GPR158: variants seen among roughly 807,000 people sequenced by gnomAD.
GPR158 encodes the protein metabotropic glycine receptor.
In GPR158, 30 loss-of-function variants were observed where a neutral mutation model predicts 78.2. That is an observed-to-expected ratio of 0.38 (90% CI 0.29 to 0.52). The LOEUF (loss-of-function observed/expected upper bound fraction) is 0.52. Among genes scored for constraint, GPR158 ranks in the 20% least tolerant of loss-of-function variants. The probability of loss-of-function intolerance (pLI) is 0.83; values close to 1 mark genes in which losing one functional copy is unlikely to be tolerated. For synonymous variants in GPR158, 581 were observed against 591.1 expected (o/e 0.98, Z 0.25); for missense variants, 1,463 against 1,523.5 (o/e 0.96, Z 0.66).
At chr10:25,283,810 A>G (rs1854309811) in intron 2 of GPR158, among the ~76,000 whole-genome samples, 1 of 151,900 alleles carries the variant, frequency 6.6e-6, no homozygotes, top group Non-Finnish European at 1.5e-5. Context: ...TTGTATTTTT[A>G]TTTTAATTTA....
chr10:25,188,445 A>G (rs1852720427), intron 1 of GPR158, among the ~76,000 whole-genome samples: 1 of 152,206 alleles, frequency 6.6e-6, no homozygotes, highest in South Asian at 2.1e-4. Context: ...ATATAGACCA[A>G]TGGAACAGAA....
intron 2 of GPR158, among the ~76,000 whole-genome samples, chr10:25,320,008 C>T (rs1854923444): frequency 6.6e-6 from 1 of 152,142 alleles, no homozygotes; most frequent in African/African-American, 2.4e-5. Context: ...TATCTCTCCT[C>T]GACATCCAAC....
intron 4 of GPR158, among the ~76,000 whole-genome samples, chr10:25,419,387 C>T (rs1476526814): frequency 2.6e-5 from 4 of 152,026 alleles, no homozygotes; most frequent in Non-Finnish European, 4.4e-5. Context: ...TTTGTTTTTC[C>T]GTTCATCTGT....
chr10:25,528,407 T>C (rs1178204325), intron 5 of GPR158, among the ~76,000 whole-genome samples: 1 of 151,912 alleles, frequency 6.6e-6, no homozygotes, highest in Admixed American at 6.6e-5. Context: ...TACAACATAA[T>C]TGGGTACATT....
At chr10:25,372,230 A>T (rs1834005769) in intron 2 of GPR158, among the ~76,000 whole-genome samples, 1 of 151,992 alleles carries the variant, frequency 6.6e-6, no homozygotes, top group African/African-American at 2.4e-5. Context: ...GAGGATGTGG[A>T]GAAATAGGAA....
intron 4 of GPR158, among the ~76,000 whole-genome samples, chr10:25,460,981 A>C (rs1270981446): frequency 6.6e-6 from 1 of 152,170 alleles, no homozygotes; most frequent in Non-Finnish European, 1.5e-5. Flanking sequence ...AATGCCATGA[A>C]CCGCACCCAC....
At chr10:25,369,093 T>A (rs917249422) in intron 2 of GPR158, among the ~76,000 whole-genome samples, 6 of 151,684 alleles carry the variant, frequency 4.0e-5, no homozygotes, top group Admixed American at 1.3e-4. Flanking sequence ...TTTCTAGATA[T>A]ACAATCATGT....
chr10:25,500,912 G>C (rs1465304665), intron 5 of GPR158, among the ~76,000 whole-genome samples: 1 of 152,238 alleles, frequency 6.6e-6, no homozygotes, highest in Non-Finnish European at 1.5e-5. Context: ...TCTCTGAAAA[G>C]TTTGCTTGGA....
intron 2 of GPR158, among the ~76,000 whole-genome samples, chr10:25,325,955 C>G (rs1008372023): frequency 7.2e-6 from 1 of 138,924 alleles, no homozygotes; most frequent in African/African-American, 2.8e-5. Context: ...ATTTTCTTTT[C>G]TTCAACTTTT....
intron 2 of GPR158, among the ~76,000 whole-genome samples, chr10:25,327,171 A>G (rs937531841): frequency 6.6e-6 from 1 of 152,114 alleles, no homozygotes; most frequent in South Asian, 2.1e-4. Flanking sequence ...GCACACACAC[A>G]CGCGCAAGAA....
intron 1 of GPR158, among the ~76,000 whole-genome samples, chr10:25,185,684 G>A (rs1191296900): frequency 2.6e-5 from 4 of 152,230 alleles, no homozygotes; most frequent in Non-Finnish European, 4.4e-5. Flanking sequence ...TTAGCCAGGC[G>A]TGGTGGCAGG....
chr10:25,335,351 T>C (rs2130497669), intron 2 of GPR158, among the ~76,000 whole-genome samples: 1 of 152,216 alleles, frequency 6.6e-6, no homozygotes, highest in Non-Finnish European at 1.5e-5. Context: ...TCTAGGCTTA[T>C]GAAGTGATGC....
intron 7 of GPR158, among the ~76,000 whole-genome samples, chr10:25,580,546 T>C (rs1249748941): frequency 3.4e-5 from 5 of 148,076 alleles, no homozygotes; most frequent in Admixed American, 6.6e-5. Context: ...TAGGCTTTAT[T>C]ATGACAGGTG....
rs550603836 is a variant in GPR158 at position 25,597,864 on chromosome 10, G to C, written c.2238G>C (p.Ser746=). The C allele has an allele frequency of 1.3e-6, 2 of 1,555,096 alleles. No individual in the cohort carries two copies. Among genetic ancestry groups the C allele is most frequent in the Non-Finnish European group, 1.7e-6 (2 of 1,154,436 alleles). ...CCCACCTCCAGAAAAAGCGGTGCTC[G>C]AAGAAGGGCCTAGGTCGTTCCATCA... ...NNPHLQKKRC[S]KKGLGRSIMR... is the part of the protein sequence containing the mutation. The change falls in exon 11 of 11, where the codon TCG becomes TCC. Residue 746 remains serine, a synonymous_variant. Coordinates refer to ENST00000376351, the MANE Select transcript of GPR158 (RefSeq NM_020752.3).
At position 25,428,537 on chromosome 10, in the gene GPR158, A is replaced by G. The variant is rs972275837; in HGVS notation, c.1335+16064A>G. On this transcript the variant is annotated intron_variant, in intron 4 of 10. Coordinates refer to ENST00000376351, the MANE Select transcript of GPR158 (RefSeq NM_020752.3). The stretch of plus-strand genomic sequence containing the variant: ...AAAAAGCATATGTACTCCAAAGTCA[A>G]GCTTGATTAATGTCGTAAGCAGTTC... 2.3e-4 allele frequency among the ~76,000 whole-genome samples: 35 copies of G among 152,068 alleles called. 1 individual carries two copies. Among genetic ancestry groups the G allele is most frequent in the Non-Finnish European group, 1.5e-5 (1 of 67,972 alleles).
intron 2 of GPR158, among the ~76,000 whole-genome samples, chr10:25,230,660 G>A (rs74825728): frequency 0.056 from 8,549 of 152,220 alleles, 267 homozygotes; most frequent in African/African-American, 0.085. Flanking sequence ...GAATACAGGG[G>A]CTAGTCTGTG....
intron 2 of GPR158, among the ~76,000 whole-genome samples, chr10:25,381,646 T>C (rs1248914799): frequency 6.6e-6 from 1 of 152,162 alleles, no homozygotes; most frequent in African/African-American, 2.4e-5. Context: ...GGGTGTAGGT[T>C]TAGTAGACTT....
In GPR158 at chr10:25,436,392, G is replaced by T. The variant is rs372394329; in HGVS notation, c.1335+23919G>T. On this transcript the variant is annotated intron_variant, in intron 4 of 10. Transcript: ENST00000376351. ...AATTGGGGCAAGAGCTATAAATGAG[G>T]GTCATGAGCATTAAAACATGAGAAT... is the stretch of plus-strand genomic sequence containing the variant. Among the ~76,000 whole-genome samples, 12 of 152,174 alleles carry T rather than the reference G, an allele frequency of 7.9e-5. No individual in the cohort carries two copies. In the South Asian group the frequency reaches 2.3e-3, roughly 29 times the overall value.
At chr10:25,473,431 C>A (rs996797250) in intron 5 of GPR158, among the ~76,000 whole-genome samples, 9 of 152,050 alleles carry the variant, frequency 5.9e-5, no homozygotes, top group African/African-American at 1.9e-4. Context: ...TTTGTTGTGT[C>A]TCTGCCCAGC....
Sources: allele counts gnomAD v4.1 joint callset (sites outside exome capture counted in the v4.1 genomes callset), GRCh38; gene constraint gnomAD v4.1.1; transcripts MANE v1.5; gene names NCBI Gene and HGNC (gene_info 2026-07-23, HGNC 2026-07-21).